PSMF1: variants seen among roughly 807,000 people sequenced by gnomAD.
PSMF1 encodes the protein proteasome inhibitor subunit 1.
Under a neutral mutation model 29.3 loss-of-function variants are expected in PSMF1, and 30 were observed. That is an observed-to-expected ratio of 1.02 (90% CI 0.77 to 1.39). The LOEUF (loss-of-function observed/expected upper bound fraction) is 1.39. Among genes scored for constraint, PSMF1 ranks in the 40% most tolerant of loss-of-function variants. The probability of loss-of-function intolerance (pLI) is 0.00; values close to 1 mark genes in which losing one functional copy is unlikely to be tolerated. For synonymous variants in PSMF1, 134 were observed against 139.7 expected (o/e 0.96, Z 0.29); for missense variants, 344 against 357.5 (o/e 0.96, Z 0.31).
intron 4 of PSMF1, among the ~76,000 whole-genome samples, chr20:1,143,809 G>T (rs1183360093): frequency 1.3e-5 from 2 of 152,170 alleles, no homozygotes; most frequent in Non-Finnish European, 2.9e-5. Flanking sequence ...GAAAAATGAA[G>T]GCCAGGCATG....
Position 1,165,616 on chromosome 20 carries a change from C to T in PSMF1, c.*536C>T. The stretch of plus-strand genomic sequence containing the variant: ...TCAGGCACCTTCCGTTTATTAATTG[C>T]CATTGCTCCTGACATCACTAAGATG... On this transcript the variant is annotated 3_prime_UTR_variant, in exon 7 of 7. Coordinates refer to ENST00000335877, the MANE Select transcript of PSMF1 (RefSeq NM_006814.5). The T allele has an allele frequency of 1.0e-6, 1 of 995,258 alleles. No homozygotes were observed. The highest frequency in any genetic ancestry group is 1.2e-6 in the Non-Finnish European group (1 of 835,566). 61.7% of individuals were successfully genotyped at this position (995,258 alleles called of 1,614,324 possible).
chr20:1,138,660 C>T (rs926998059), intron 4 of PSMF1, among the ~76,000 whole-genome samples: 16 of 151,282 alleles, frequency 1.1e-4, no homozygotes, highest in South Asian at 6.2e-4. Context: ...CCTGTCTTTA[C>T]AAAAAAAATT....
intron 3 of PSMF1, 136 bp downstream of exon 3, chr20:1,127,644 A>C (rs918139698): frequency 2.8e-6 from 2 of 720,440 alleles, no homozygotes; most frequent in Non-Finnish European, 4.7e-6. Context: ...ACAACTTCCT[A>C]ATTTTCTTTT....
rs2086732046 is a variant in PSMF1, at chr20:1,166,516, T to C, written c.*1436T>C. ...CCTATCTGCTTAGCCTGAGAACAGG[T>C]AGATGAAAACTAAACTGATGCCTAG... On this transcript the variant is annotated 3_prime_UTR_variant, in exon 7 of 7. Coordinates refer to ENST00000335877, the MANE Select transcript of PSMF1 (RefSeq NM_006814.5). 2 of 517,490 alleles carry C rather than the reference T, an allele frequency of 3.9e-6. No individual in the cohort carries two copies. Among genetic ancestry groups the C allele is most frequent in the Middle Eastern group, 5.1e-4 (1 of 1,954 alleles). The allele number at this position is 517,490 out of a possible 1,614,324, so 32.1% of individuals were successfully genotyped here.
chr20:1,160,559 C>T (rs555689266), intron 4 of PSMF1: 9 of 448,512 alleles, frequency 2.0e-5, no homozygotes, highest in African/African-American at 1.4e-4. Context: ...CACCGCTCTG[C>T]CGCCCAGCTC....
Position 1,164,860 on chromosome 20 carries a change from G to A in PSMF1, c.765-169G>A, listed in dbSNP as rs1227315670. On this transcript the variant is annotated intron_variant, in intron 6 of 6. Coordinates refer to ENST00000335877, the MANE Select transcript of PSMF1 (RefSeq NM_006814.5). This position sits in a 1 kb window ranked among gnomAD's most constrained non-coding sequence, Gnocchi z 4.1. ...GATTAGGTAACTTATACCAAGCGGG[G>A]GAGTCAGGATTCAAACCCCGGTTGT... Among the ~76,000 whole-genome samples the A allele has an allele frequency of 1.3e-5, 2 of 152,134 alleles. No homozygotes were observed. The highest frequency in any genetic ancestry group is 4.8e-5 in the African/African-American group (2 of 41,420).
intron 4 of PSMF1, among the ~76,000 whole-genome samples, chr20:1,136,467 A>G (rs1410675797): frequency 6.6e-6 from 1 of 152,244 alleles, no homozygotes; most frequent in Non-Finnish European, 1.5e-5. Context: ...TCTCAGCTTT[A>G]TTAGACCCAA....
chr20:1,118,427 C>G (rs1172898193), upstream of PSMF1: 2 of 223,022 alleles, frequency 9.0e-6, no homozygotes, highest in African/African-American at 2.3e-5. Context: ...AAGGTGGCCT[C>G]TTGGAGGACG....
At chr20:1,140,426 C>T (rs1016434749) in intron 4 of PSMF1, among the ~76,000 whole-genome samples, 9 of 152,084 alleles carry the variant, frequency 5.9e-5, no homozygotes, top group African/African-American at 2.2e-4. Context: ...GTCCCTTCCT[C>T]GATTACCTCT....
intron 4 of PSMF1, among the ~76,000 whole-genome samples, chr20:1,140,084 C>T (rs2122528610): frequency 6.6e-6 from 1 of 152,258 alleles, no homozygotes; most frequent in African/African-American, 2.4e-5. Flanking sequence ...GGTTTTTCCC[C>T]CCCAGAAATT....
At chr20:1,150,341 G>A (rs2086513069) in intron 4 of PSMF1, among the ~76,000 whole-genome samples, 2 of 152,282 alleles carry the variant, frequency 1.3e-5, no homozygotes, top group South Asian at 2.1e-4. Flanking sequence ...TGGTAAGGGA[G>A]GGTGCAATAA....
At chr20:1,153,474 C>A (rs988740610) in intron 4 of PSMF1, among the ~76,000 whole-genome samples, 17 of 152,060 alleles carry the variant, frequency 1.1e-4, no homozygotes, top group Admixed American at 1.1e-3. Flanking sequence ...CCTCCACAAT[C>A]CATGTTCTGT....
At chr20:1,144,666 C>T (rs2086426086) in intron 4 of PSMF1, among the ~76,000 whole-genome samples, 1 of 152,188 alleles carries the variant, frequency 6.6e-6, no homozygotes, top group Non-Finnish European at 1.5e-5. Context: ...TGAAAGAAGC[C>T]ATTCCCAAAA....
At chr20:1,150,179 CAAA>C (rs1164150737) in intron 4 of PSMF1, among the ~76,000 whole-genome samples, 10 of 111,906 alleles carry the variant, frequency 8.9e-5, no homozygotes, top group Admixed American at 9.4e-5. Flanking sequence ...GACCCTGTCT[CAAA>C]AAAAAAAAAA....
At position 1,118,703 on chromosome 20, in the gene PSMF1, G is replaced by T; in HGVS notation, c.-71G>T. 6.6e-7 allele frequency: 1 copy of T among 1,511,530 alleles called. No homozygotes were observed. Among genetic ancestry groups the T allele is most frequent in the Non-Finnish European group, 9.0e-7 (1 of 1,113,462 alleles). The allele number at this position is 1,511,530 out of a possible 1,614,324, so 93.6% of individuals were successfully genotyped here. A position where few individuals can be genotyped will look rare whatever the true frequency, so the allele number is the denominator to read the frequency against. On this transcript the variant is annotated 5_prime_UTR_variant, in exon 1 of 7. Transcript: ENST00000335877. The stretch of plus-strand genomic sequence containing the variant: ...AGGGAAGCAGAGTTATAGCTACCCC[G>T]GCCGCGGAGCCGGCTCACTGCACTA...
At chr20:1,137,511 A>G (rs535281245) in intron 4 of PSMF1, among the ~76,000 whole-genome samples, 6 of 152,244 alleles carry the variant, frequency 3.9e-5, no homozygotes, top group Non-Finnish European at 7.3e-5. Flanking sequence ...TATGAAGGAC[A>G]GAAGAATGAG....
At chr20:1,161,315 C>A in intron 4 of PSMF1, 2 of 312,172 alleles carry the variant, frequency 6.4e-6, no homozygotes, top group South Asian at 1.2e-4. Context: ...GCCAGGTGAT[C>A]ACCATTGGCA....
chr20:1,161,812 T>C (rs2086670368), intron 4 of PSMF1: 1 of 333,314 alleles, frequency 3.0e-6, no homozygotes, highest in South Asian at 4.7e-5. Context: ...AATAAGCTTT[T>C]GGAAAGAAAT....
intron 4 of PSMF1, among the ~76,000 whole-genome samples, chr20:1,162,342 T>C (rs1004280573): frequency 6.6e-6 from 1 of 152,172 alleles, no homozygotes; most frequent in Admixed American, 6.5e-5. Context: ...TTCACTGTTA[T>C]GTGAGAGCAT....
Sources: allele counts gnomAD v4.1 joint callset (sites outside exome capture counted in the v4.1 genomes callset), GRCh38; gene constraint gnomAD v4.1.1; non-coding constraint Gnocchi (gnomAD v3.1); transcripts MANE v1.5; gene names NCBI Gene and HGNC (gene_info 2026-07-23, HGNC 2026-07-21).